SLC6A7: variants seen among roughly 807,000 people sequenced by gnomAD.
SLC6A7 encodes solute carrier family 6 member 7, also known as sodium-dependent proline transporter.
Under a neutral mutation model 73.1 loss-of-function variants are expected in SLC6A7, and 58 were observed. That is an observed-to-expected ratio of 0.79 (90% CI 0.64 to 0.99). The LOEUF is 0.99. Among genes scored for constraint, SLC6A7 ranks in the 50% least tolerant of loss-of-function variants. The pLI is 0.00. For synonymous variants in SLC6A7, 338 were observed against 338.7 expected, an observed-to-expected ratio of 1.00 and a Z score of 0.02; for missense variants, 783 against 831.4, an observed-to-expected ratio of 0.94 and a Z score of 0.72.
intron 3 of SLC6A7, 69 bp from the exon 4 acceptor site, chr5:150,196,973 C>T: frequency 1.9e-6 from 3 of 1,546,940 alleles, no homozygotes; most frequent in East Asian, 2.3e-5. Flanking sequence ...TGCCAGCTCC[C>T]CAGAAGCCAC....
intron 6 of SLC6A7, 68 bp downstream of exon 6, chr5:150,201,291 C>A: frequency 1.5e-6 from 2 of 1,292,784 alleles, no homozygotes; most frequent in Non-Finnish European, 2.1e-6. Context: ...AAGAGGGCTC[C>A]CTGGGACACC....
chr5:150,201,470 A>G (rs946389340), intron 6 of SLC6A7, among the ~76,000 whole-genome samples: 6 of 152,210 alleles, frequency 3.9e-5, no homozygotes, highest in Admixed American at 6.5e-5. Context: ...GCTAATTAGC[A>G]TATGTATTAT....
At position 150,209,883 on chromosome 5, in the gene SLC6A7, A is replaced by C; in HGVS notation, c.*268A>C. 4.1e-6 allele frequency: 2 copies of C among 488,064 alleles called. No individual in the cohort carries two copies. The highest frequency in any genetic ancestry group is 3.8e-6 in the Non-Finnish European group (1 of 266,404). 30.2% of individuals were successfully genotyped at this position (488,064 alleles called of 1,614,324 possible). ...GCCCTACTTTGCGGATGGACATATT[A>C]AGGCCAGGAGGGGAGGGACTTGCCC... is the stretch of plus-strand genomic sequence containing the variant. On this transcript the variant is annotated 3_prime_UTR_variant, in exon 14 of 14. Transcript: ENST00000230671.
At chr5:150,208,179 A>G (rs1479899217) in intron 13 of SLC6A7, among the ~76,000 whole-genome samples, 1 of 151,968 alleles carries the variant, frequency 6.6e-6, no homozygotes, top group East Asian at 1.9e-4. Context: ...GAAATATGTA[A>G]AGGTAAGTTC....
Position 150,209,438 on chromosome 5 carries a change from C to T in SLC6A7, c.1734C>T (p.Asp578=), listed in dbSNP as rs766362022. ...AACAGGCCAGCCGGCCGGCCATGGACTGGGGACCATCGCTGGAGGAGAACC... is the reference window on the plus strand; with the variant it reads ...AACAGGCCAGCCGGCCGGCCATGGATTGGGGACCATCGCTGGAGGAGAACC... ...RLQQASRPAM[D]WGPSLEENRT... Residue 578 remains aspartate (D), a synonymous_variant, in exon 14 of 14, where the codon GAC becomes GAT. Transcript: ENST00000230671. 2 of 1,613,994 alleles carry T rather than the reference C, an allele frequency of 1.2e-6. No homozygotes were observed. Among genetic ancestry groups the T allele is most frequent in the Admixed American group, 1.7e-5 (1 of 60,034 alleles).
chr5:150,203,558 A>G, intron 8 of SLC6A7, 109 bp from the exon 9 acceptor site: 1 of 643,276 alleles, frequency 1.6e-6, no homozygotes, highest in Non-Finnish European at 2.8e-6. Flanking sequence ...TCTCTGGGTT[A>G]GGCTAAACAA....
chr5:150,201,715 G>T (rs1422360476), intron 6 of SLC6A7, among the ~76,000 whole-genome samples: 1 of 152,164 alleles, frequency 6.6e-6, no homozygotes, highest in Non-Finnish European at 1.5e-5. Flanking sequence ...GCCCAGATTT[G>T]TGTGACTGTA....
At chr5:150,194,065 T>A (rs1267316455) in intron 1 of SLC6A7, among the ~76,000 whole-genome samples, 1 of 152,178 alleles carries the variant, frequency 6.6e-6, no homozygotes, top group Admixed American at 6.5e-5. Context: ...ACATAGTAAG[T>A]GCTCAATATA....
intron 5 of SLC6A7, 49 bp downstream of exon 5, chr5:150,199,415 G>A (rs1356470936): frequency 7.2e-7 from 1 of 1,390,882 alleles, no homozygotes; most frequent in Admixed American, 1.7e-5. Flanking sequence ...TGGGGTGAAG[G>A]CTTCCTGGAG....
chr5:150,196,777 G>A lies in SLC6A7; in HGVS notation c.279G>A (p.Leu93=). 6.2e-7 allele frequency: 1 copy of A among 1,614,058 alleles called. No individual in the cohort carries two copies. The highest frequency in any genetic ancestry group is 8.5e-7 in the Non-Finnish European group (1 of 1,179,954). The part of the protein sequence containing the change: ...LAICGIPLFF[L]ELSLGQFSSL... ...TCTGTGGCATCCCCCTCTTCTTCCT[G>A]GAGCTCTCCCTGGGCCAGTTCTCCA... is the stretch of plus-strand genomic sequence containing the variant. Residue 93 remains leucine, a synonymous_variant, in exon 3 of 14, where the codon CTG becomes CTA. Coordinates refer to ENST00000230671, the MANE Select transcript of SLC6A7 (RefSeq NM_014228.5).
intron 6 of SLC6A7, 71 bp downstream of exon 6, chr5:150,201,294 G>A (rs1753371330): frequency 7.9e-7 from 1 of 1,270,442 alleles, no homozygotes; most frequent in African/African-American, 1.5e-5. Flanking sequence ...AGGGCTCCCT[G>A]GGACACCGCA....
intron 9 of SLC6A7, 30 bp downstream of exon 9, chr5:150,203,809 CGT>C (rs1554116760): frequency 2.7e-5 from 40 of 1,468,210 alleles, no homozygotes; most frequent in East Asian, 9.2e-5. Flanking sequence ...GCAGGCACCC[CGT>C]GTGTGTGTGG....
chr5:150,195,235 C>T (rs1379098683), intron 2 of SLC6A7: 1 of 244,262 alleles, frequency 4.1e-6, no homozygotes, highest in Non-Finnish European at 8.1e-6. Flanking sequence ...ATCTGCCTGC[C>T]GATGATCACT....
At chr5:150,201,283 G>C (rs560910495) in intron 6 of SLC6A7, 60 bp downstream of exon 6, 3 of 1,441,862 alleles carry the variant, frequency 2.1e-6, no homozygotes, top group Non-Finnish European at 2.8e-6. Flanking sequence ...AGAGTGGAAA[G>C]AGGGCTCCCT....
Position 150,205,997 on chromosome 5 carries a change from G to A in SLC6A7, c.1701+374G>A, listed in dbSNP as rs139411962. 8.5e-5 allele frequency among the ~76,000 whole-genome samples: 13 copies of A among 152,260 alleles called. 1 individual carries two copies. The South Asian group carries it at 2.1e-3, about 24-fold the overall frequency. On this transcript the variant is annotated intron_variant, in intron 13 of 13. Transcript: ENST00000230671. ...GAGGGCAGGCTATCACCCTACTCCCGTGCCCAGGAGTCCTGCTGTGTCCCA... is the reference window on the plus strand; with the variant it reads ...GAGGGCAGGCTATCACCCTACTCCCATGCCCAGGAGTCCTGCTGTGTCCCA...
intron 13 of SLC6A7, among the ~76,000 whole-genome samples, chr5:150,205,953 G>A (rs1753677551): frequency 6.6e-6 from 1 of 152,172 alleles, no homozygotes; most frequent in African/African-American, 2.4e-5. Flanking sequence ...GGGTCAAATG[G>A]CGACAGTGAG....
intron 1 of SLC6A7, among the ~76,000 whole-genome samples, chr5:150,190,814 G>A (rs1485303297): frequency 1.3e-5 from 2 of 152,200 alleles, no homozygotes; most frequent in Admixed American, 1.3e-4. Context: ...CCCTGAGCCT[G>A]CGGGAAGACT....
intron 1 of SLC6A7, among the ~76,000 whole-genome samples, chr5:150,191,577 C>T (rs904039569): frequency 1.3e-5 from 2 of 152,050 alleles, no homozygotes; most frequent in Admixed American, 1.3e-4. Flanking sequence ...ACTATAGGCG[C>T]CCGCCACCAC....
At chr5:150,196,655 A>C in intron 2 of SLC6A7, 61 bp from the exon 3 acceptor site, 2 of 1,550,312 alleles carry the variant, frequency 1.3e-6, no homozygotes, top group Non-Finnish European at 1.8e-6. Context: ...GGGCGGGGCT[A>C]GAGCTGGGCT....
Sources: gnomAD v4.1 joint callset for allele counts (sites outside exome capture counted in the v4.1 genomes callset) on GRCh38, gnomAD v4.1.1 for gene constraint, MANE v1.5 for transcripts, NCBI Gene and HGNC (gene_info 2026-07-23, HGNC 2026-07-21) for gene names.